CREB5: variants seen among roughly 807,000 people sequenced by gnomAD.
The protein encoded by CREB5 is cAMP responsive element binding protein 5, also known as cyclic AMP-responsive element-binding protein 5.
CREB5 carries 19 observed loss-of-function variants against 57.1 expected under a neutral mutation model. That is an observed-to-expected ratio of 0.33 (90% CI 0.23 to 0.49). The LOEUF (loss-of-function observed/expected upper bound fraction) is 0.49, where lower values mean the gene tolerates loss of function less well. Among genes scored for constraint, CREB5 ranks in the 20% least tolerant of loss-of-function variants. The probability of loss-of-function intolerance (pLI) is 0.99; values close to 1 mark genes in which losing one functional copy is unlikely to be tolerated. For missense variants in CREB5, 579 were observed against 671.6 expected, an observed-to-expected ratio of 0.86 and a Z score of 1.52; for synonymous variants, 238 against 238.3, an observed-to-expected ratio of 1.00 and a Z score of 0.01.
At chr7:28,348,241 G>T (rs1449495919) in intron 1 of CREB5, among the ~76,000 whole-genome samples, 1 of 152,106 alleles carries the variant, frequency 6.6e-6, no homozygotes, top group Non-Finnish European at 1.5e-5. Context: ...GAACAACGTG[G>T]GCTCAGGAGC....
At chr7:28,560,600 A>G (rs972637042) in intron 4 of CREB5, among the ~76,000 whole-genome samples, 31 of 152,098 alleles carry the variant, frequency 2.0e-4, no homozygotes, top group African/African-American at 7.5e-4. Flanking sequence ...ACAGACCTCT[A>G]AAGCTAGTGG....
chr7:28,506,286 T>C (rs78337340), intron 3 of CREB5, among the ~76,000 whole-genome samples: 227 of 152,346 alleles, frequency 1.5e-3, no homozygotes, highest in Non-Finnish European at 2.7e-3. Context: ...GAAAAGTAAA[T>C]ATAATTCTAG....
chr7:28,300,928 C>T (rs1785088724), intron 1 of CREB5, among the ~76,000 whole-genome samples: 1 of 152,066 alleles, frequency 6.6e-6, no homozygotes, highest in Non-Finnish European at 1.5e-5. Flanking sequence ...TGGTCCAGAC[C>T]CCTGACTCAG....
intron 5 of CREB5, among the ~76,000 whole-genome samples, chr7:28,637,815 A>AATGCATTT (rs1299598594): frequency 6.6e-6 from 1 of 152,234 alleles, no homozygotes; most frequent in Non-Finnish European, 1.5e-5. Context: ...TGGTTTAAAC[A>AATGCATTT]ATGCATTTAT....
intron 7 of CREB5, among the ~76,000 whole-genome samples, chr7:28,754,886 G>T (rs1805205197): frequency 6.6e-6 from 1 of 152,184 alleles, no homozygotes; most frequent in African/African-American, 2.4e-5. Flanking sequence ...TGCCTTGGAA[G>T]GTGCCATGAT....
intron 1 of CREB5, among the ~76,000 whole-genome samples, chr7:28,317,279 AG>A (rs1785401552): frequency 6.6e-6 from 1 of 152,204 alleles, no homozygotes; most frequent in South Asian, 2.1e-4. Context: ...GTGTGAAACC[AG>A]GGTGGGCACC....
chr7:28,344,135 C>T (rs1182088409), intron 1 of CREB5, among the ~76,000 whole-genome samples: 1 of 151,696 alleles, frequency 6.6e-6, no homozygotes, highest in Non-Finnish European at 1.5e-5. Flanking sequence ...ATATGTTCTC[C>T]CATTCTGTAG....
At chr7:28,744,456 T>C (rs533414743) in intron 7 of CREB5, among the ~76,000 whole-genome samples, 1 of 149,050 alleles carries the variant, frequency 6.7e-6, no homozygotes, top group African/African-American at 2.5e-5. Flanking sequence ...CAAGCGATTC[T>C]CGTGCCTCAG....
At chr7:28,698,684 C>T (rs1234382663) in intron 5 of CREB5, among the ~76,000 whole-genome samples, 3 of 152,176 alleles carry the variant, frequency 2.0e-5, no homozygotes, top group African/African-American at 4.8e-5. Context: ...AAAACAGCCA[C>T]ATTGTGGAAA....
intron 3 of CREB5, among the ~76,000 whole-genome samples, chr7:28,504,670 CG>C (rs2128605044): frequency 6.6e-6 from 1 of 152,194 alleles, no homozygotes; most frequent in African/African-American, 2.4e-5. Flanking sequence ...TCTGAAGTGG[CG>C]CTGCATAAAC....
intron 5 of CREB5, among the ~76,000 whole-genome samples, chr7:28,639,013 C>T (rs1055323116): frequency 1.3e-5 from 2 of 152,088 alleles, no homozygotes; most frequent in African/African-American, 4.8e-5. Context: ...TTAAAAAAGT[C>T]TTTTTAATGA....
intron 4 of CREB5, among the ~76,000 whole-genome samples, chr7:28,560,957 T>TGCGCGC (rs1375860415): frequency 2.3e-5 from 1 of 43,438 alleles, no homozygotes; most frequent in Non-Finnish European, 4.4e-5. Context: ...TGTGCGTGTG[T>TGCGCGC]GTGCGTGTGT....
At chr7:28,325,409 C>T (rs1277003367) in intron 1 of CREB5, among the ~76,000 whole-genome samples, 2 of 151,192 alleles carry the variant, frequency 1.3e-5, no homozygotes, top group Admixed American at 6.6e-5. Flanking sequence ...GAGCCAAGAT[C>T]GTGCCACTGC....
chr7:28,737,326 G>T lies in CREB5; in HGVS notation c.702+12994G>T, dbSNP rs370739896. ...TTTTTAAGAAGCAAGGTGAGGCATTGATTGAAAACAAAAACAAGGAATCAG... is the reference window on the plus strand; with the variant it reads ...TTTTTAAGAAGCAAGGTGAGGCATTTATTGAAAACAAAAACAAGGAATCAG... On this transcript the variant is annotated intron_variant, in intron 7 of 10. Coordinates refer to ENST00000357727, the MANE Select transcript of CREB5 (RefSeq NM_182898.4). 1.2e-4 allele frequency among the ~76,000 whole-genome samples: 18 copies of T among 151,624 alleles called. No individual in the cohort carries two copies. In the East Asian group the frequency reaches 3.5e-3, roughly 29 times the overall value.
intron 5 of CREB5, chr7:28,686,278 G>GTCCTCC: frequency 2.0e-6 from 2 of 997,200 alleles, no homozygotes; most frequent in Middle Eastern, 2.0e-4. Flanking sequence ...TTGAGCCTTC[G>GTCCTCC]TCCTCCTCCT....
intron 7 of CREB5, among the ~76,000 whole-genome samples, chr7:28,724,948 A>G (rs994820232): frequency 1.3e-5 from 2 of 152,238 alleles, no homozygotes; most frequent in East Asian, 1.9e-4. Context: ...TCTATATTCT[A>G]CCAAATATTA....
At chr7:28,546,000 T>C (rs2128630949) in intron 4 of CREB5, among the ~76,000 whole-genome samples, 1 of 152,294 alleles carries the variant, frequency 6.6e-6, no homozygotes, top group South Asian at 2.1e-4. Context: ...CTTGGAACAT[T>C]TTCAGCCTCC....
chr7:28,318,441 G>T (rs1785419599), intron 1 of CREB5, among the ~76,000 whole-genome samples: 1 of 152,224 alleles, frequency 6.6e-6, no homozygotes, highest in Non-Finnish European at 1.5e-5. Flanking sequence ...TATTTTCTAA[G>T]TTTCAAAATA....
At chr7:28,488,685 A>T (rs1791674354) in intron 2 of CREB5, among the ~76,000 whole-genome samples, 1 of 151,936 alleles carries the variant, frequency 6.6e-6, no homozygotes, top group African/African-American at 2.4e-5. Context: ...CAATTTGAGT[A>T]AAAAAACCCC....
Sources: gnomAD v4.1 joint callset for allele counts (sites outside exome capture counted in the v4.1 genomes callset) on GRCh38, gnomAD v4.1.1 for gene constraint, MANE v1.5 for transcripts, NCBI Gene and HGNC (gene_info 2026-07-23, HGNC 2026-07-21) for gene names.